IRAK2: variants seen among roughly 807,000 people sequenced by gnomAD.
IRAK2 encodes the protein interleukin 1 receptor associated kinase 2, also known as interleukin-1 receptor-associated kinase-like 2.
IRAK2 carries 57 observed loss-of-function variants against 72.0 expected under a neutral mutation model. The observed-to-expected ratio is 0.79, with a 90% CI of 0.64 to 0.99. The LOEUF is 0.99. Ranked by LOEUF, IRAK2 falls within the 50% of genes least tolerant of loss-of-function variation. The pLI, the probability that IRAK2 is intolerant of heterozygous loss-of-function variation, is 0.00. For synonymous variants in IRAK2, 293 were observed against 312.7 expected (o/e 0.94, Z 0.67); for missense variants, 790 against 794.4 (o/e 0.99, Z 0.07).
chr3:10,165,975 A>G (rs909231953), intron 1 of IRAK2, among the ~76,000 whole-genome samples: 4 of 151,254 alleles, frequency 2.6e-5, no homozygotes, highest in Non-Finnish European at 5.9e-5. Flanking sequence ...TGATCCGCCC[A>G]CCCTGGGCCT....
At chr3:10,237,302 G>A (rs1027724080) in intron 11 of IRAK2, among the ~76,000 whole-genome samples, 5 of 152,128 alleles carry the variant, frequency 3.3e-5, no homozygotes, top group Non-Finnish European at 5.9e-5. Flanking sequence ...TGTAAGAAGA[G>A]GTAGGAGATG....
intron 3 of IRAK2, among the ~76,000 whole-genome samples, chr3:10,207,664 C>T (rs918864207): frequency 3.3e-5 from 5 of 152,260 alleles, no homozygotes; most frequent in East Asian, 1.9e-4. Flanking sequence ...TCAAACATTC[C>T]GTCTTGTGAA....
At chr3:10,219,866 C>T (rs1280506817) in intron 8 of IRAK2, 77 bp downstream of exon 8, 8 of 893,626 alleles carry the variant, frequency 9.0e-6, no homozygotes, top group South Asian at 2.7e-5. Context: ...GCTCACCTCC[C>T]GCTCCGCCAC....
intron 2 of IRAK2, among the ~76,000 whole-genome samples, chr3:10,183,374 T>G (rs1400370697): frequency 2.0e-5 from 3 of 152,178 alleles, no homozygotes; most frequent in Non-Finnish European, 2.9e-5. Flanking sequence ...TTCCTCAGCC[T>G]TAGTTGCCAA....
At chr3:10,193,435 C>G (rs973284298) in intron 2 of IRAK2, among the ~76,000 whole-genome samples, 1 of 142,386 alleles carries the variant, frequency 7.0e-6, no homozygotes, top group Non-Finnish European at 1.5e-5. Context: ...AAAACCCTGT[C>G]TCTACCAAAA....
At chr3:10,210,249 T>C (rs2125154727) in intron 4 of IRAK2, among the ~76,000 whole-genome samples, 1 of 152,212 alleles carries the variant, frequency 6.6e-6, no homozygotes, top group East Asian at 1.9e-4. Flanking sequence ...TTTATTTTAT[T>C]TTCGACCTGT....
At chr3:10,227,358 G>C (rs1697794871) in intron 10 of IRAK2, among the ~76,000 whole-genome samples, 1 of 152,114 alleles carries the variant, frequency 6.6e-6, no homozygotes, top group East Asian at 1.9e-4. Flanking sequence ...TGAGGCAGGA[G>C]AATCGCTTGA....
intron 1 of IRAK2, among the ~76,000 whole-genome samples, chr3:10,175,753 G>C (rs1445119385): frequency 6.6e-6 from 1 of 151,920 alleles, no homozygotes; most frequent in African/African-American, 2.4e-5. Flanking sequence ...AGCCAGGCGT[G>C]GTGGTGGGCG....
chr3:10,166,088 C>G (rs1231409677), intron 1 of IRAK2, among the ~76,000 whole-genome samples: 1 of 152,212 alleles, frequency 6.6e-6, no homozygotes, highest in Non-Finnish European at 1.5e-5. Flanking sequence ...GCTGGGATTA[C>G]AGGCGTGAGC....
At position 10,164,988 on chromosome 3, in the gene IRAK2, G is replaced by C. The variant is rs1169479045; in HGVS notation, c.34G>C (p.Val12Leu). ...ACYIYQLPSW[V>L]LDDLCRNMDA... ...CTACATCTACCAGCTGCCCTCCTGG[G>C]TGCTGGACGACCTGTGCCGCAACAT... is the stretch of plus-strand genomic sequence containing the variant. The change falls in exon 1 of 13, where the codon GTG (valine) becomes CTG (leucine). Residue 12 changes from valine to leucine, a missense_variant. Coordinates refer to ENST00000256458, the MANE Select transcript of IRAK2 (RefSeq NM_001570.4). The C allele has an allele frequency of 6.2e-7, 1 of 1,611,776 alleles. No homozygotes were observed. The highest frequency in any genetic ancestry group is 1.1e-5 in the South Asian group (1 of 90,980).
At chr3:10,218,288 G>A (rs1476732718) in intron 7 of IRAK2, among the ~76,000 whole-genome samples, 3 of 152,226 alleles carry the variant, frequency 2.0e-5, no homozygotes, top group African/African-American at 7.2e-5. Context: ...GCCAGGCGTG[G>A]TGGCGTGTGC....
intron 10 of IRAK2, among the ~76,000 whole-genome samples, chr3:10,233,890 C>T (rs538087055): frequency 8.5e-5 from 13 of 152,206 alleles, no homozygotes; most frequent in Admixed American, 2.6e-4. Flanking sequence ...TCGCTGTCAC[C>T]TAGGCTGGAG....
chr3:10,216,037 C>T (rs186098111), intron 6 of IRAK2, among the ~76,000 whole-genome samples: 14 of 152,188 alleles, frequency 9.2e-5, no homozygotes, highest in Admixed American at 5.2e-4. Context: ...GGATGGCTTG[C>T]GGGAAGCAGA....
In IRAK2 at chr3:10,209,707, C is replaced by T. The variant is rs558156597; in HGVS notation, c.528+15C>T. ...CTGATTCAAAGGTAAATCCACCCCT[C>T]GGCTGCAGCCCCCAAGCCATGTCTC... On this transcript the variant is annotated intron_variant, in intron 4 of 12. Transcript: ENST00000256458. The T allele has an allele frequency of 1.7e-5, 24 of 1,428,606 alleles. No homozygotes were observed. The highest frequency in any genetic ancestry group is 1.8e-4 in the Middle Eastern group (1 of 5,434). 88.5% of individuals were successfully genotyped at this position (1,428,606 alleles called of 1,614,324 possible).
At chr3:10,208,050 A>G (rs1697458755) in intron 3 of IRAK2, among the ~76,000 whole-genome samples, 1 of 150,186 alleles carries the variant, frequency 6.7e-6, no homozygotes, top group African/African-American at 2.4e-5. Flanking sequence ...TGTGTGCCCC[A>G]TGTGAAGATT....
intron 12 of IRAK2, among the ~76,000 whole-genome samples, chr3:10,240,672 GTC>G (rs928768868): frequency 2.7e-5 from 4 of 146,542 alleles, no homozygotes; most frequent in Non-Finnish European, 6.0e-5. Flanking sequence ...TGATTCTCCT[GTC>G]TCAGCCTCCC....
intron 8 of IRAK2, among the ~76,000 whole-genome samples, chr3:10,222,430 T>TC (rs1697711419): frequency 6.6e-6 from 1 of 152,122 alleles, no homozygotes; most frequent in African/African-American, 2.4e-5. Flanking sequence ...AAGTCTGAAC[T>TC]CCATCTCCAT....
chr3:10,180,866 C>T (rs968114965), intron 2 of IRAK2, among the ~76,000 whole-genome samples: 8 of 152,156 alleles, frequency 5.3e-5, no homozygotes, highest in Admixed American at 2.6e-4. Flanking sequence ...ACACCAGTCA[C>T]GGGGAGGCCA....
At chr3:10,226,242 G>T in intron 9 of IRAK2, 129 bp from the exon 10 acceptor site, 1 of 613,116 alleles carries the variant, frequency 1.6e-6, no homozygotes. Context: ...CAGATTTTGG[G>T]CAGGTGTGTC....
Sources: allele counts gnomAD v4.1 joint callset (sites outside exome capture counted in the v4.1 genomes callset), GRCh38; gene constraint gnomAD v4.1.1; transcripts MANE v1.5; gene names NCBI Gene and HGNC (gene_info 2026-07-23, HGNC 2026-07-21).